The following PLA2G4E variants were observed in gnomAD, a reference collection of about 807,000 sequenced individuals.
PLA2G4E encodes the protein phospholipase A2 group IVE.
PLA2G4E carries 84 observed loss-of-function variants against 109.1 expected under a neutral mutation model. The ratio of observed to expected loss-of-function variants is 0.77; its 90% CI spans 0.65 to 0.92. PLA2G4E has a LOEUF of 0.92. Among genes scored for constraint, PLA2G4E ranks in the 40% least tolerant of loss-of-function variants. PLA2G4E has a pLI of 0.00. For missense variants in PLA2G4E, 1,057 were observed against 1,076.6 expected (o/e 0.98, Z 0.25); for synonymous variants, 469 against 436.1 (o/e 1.08, Z -0.94).
At chr15:41,994,093 C>T (rs563301435) in intron 12 of PLA2G4E, among the ~76,000 whole-genome samples, 10 of 152,272 alleles carry the variant, frequency 6.6e-5, no homozygotes, top group South Asian at 4.1e-4. Context: ...GATGTGGGCC[C>T]GGGACTAGGT....
exon 20 of PLA2G4E, chr15:41,981,874 T>C (rs956490821): frequency 6.6e-6 from 1 of 152,196 alleles, no homozygotes; most frequent in Non-Finnish European, 1.5e-5. Flanking sequence ...AGTTTATCAG[T>C]GGCTCAAGGG....
intron 1 of PLA2G4E, among the ~76,000 whole-genome samples, chr15:42,034,624 A>C (rs566808384): frequency 8.5e-5 from 13 of 152,238 alleles, no homozygotes; most frequent in African/African-American, 3.1e-4. Flanking sequence ...GAACAATTAA[A>C]TCTCCTCCTC....
chr15:42,023,296 A>G (rs1288174336), intron 1 of PLA2G4E, among the ~76,000 whole-genome samples: 1 of 151,690 alleles, frequency 6.6e-6, no homozygotes, highest in Non-Finnish European at 1.5e-5. Flanking sequence ...CTGGCCCTGC[A>G]TTTGGACCCA....
At chr15:42,002,584 G>T in intron 6 of PLA2G4E, 70 bp downstream of exon 6, 2 of 1,466,178 alleles carry the variant, frequency 1.4e-6, no homozygotes, top group Non-Finnish European at 1.9e-6. Flanking sequence ...TTTCTCCCTT[G>T]GTCCTGTTCC....
intron 1 of PLA2G4E, among the ~76,000 whole-genome samples, chr15:42,037,263 G>A (rs1889234050): frequency 6.6e-6 from 1 of 152,230 alleles, no homozygotes; most frequent in Admixed American, 6.5e-5. Context: ...AGATCAGAAT[G>A]GGAACTTGTG....
At chr15:41,993,723 C>T (rs763177349) in intron 12 of PLA2G4E, among the ~76,000 whole-genome samples, 18 of 152,198 alleles carry the variant, frequency 1.2e-4, no homozygotes, top group Middle Eastern at 3.4e-3. Flanking sequence ...AGCTAGTCTG[C>T]GGCTGCACAT....
At chr15:41,985,243 G>A (rs1238773783) in intron 18 of PLA2G4E, among the ~76,000 whole-genome samples, 1 of 152,184 alleles carries the variant, frequency 6.6e-6, no homozygotes, top group Non-Finnish European at 1.5e-5. Flanking sequence ...AAAGTGCATT[G>A]TTACCCATTT....
intron 13 of PLA2G4E, among the ~76,000 whole-genome samples, chr15:41,990,704 T>G (rs1275336750): frequency 6.8e-6 from 1 of 146,808 alleles, no homozygotes. Context: ...CTTCCTCCGC[T>G]CCCCTGCCCT....
At chr15:41,995,932 A>G (rs2068332165) in intron 11 of PLA2G4E, among the ~76,000 whole-genome samples, 2 of 152,228 alleles carry the variant, frequency 1.3e-5, no homozygotes, top group Non-Finnish European at 2.9e-5. Context: ...GGCCTGGCAC[A>G]TGGTGCCTGC....
intron 1 of PLA2G4E, among the ~76,000 whole-genome samples, chr15:42,014,339 T>G (rs903306722): frequency 6.6e-6 from 1 of 152,210 alleles, no homozygotes; most frequent in Non-Finnish European, 1.5e-5. Context: ...TAGAAGGTGC[T>G]AATACATGTT....
At chr15:42,037,806 T>A (rs750566598) in intron 1 of PLA2G4E, among the ~76,000 whole-genome samples, 10 of 152,336 alleles carry the variant, frequency 6.6e-5, no homozygotes, top group Non-Finnish European at 1.3e-4. Context: ...TGGAGCCAGC[T>A]GTGGAAGCTG....
At chr15:42,000,259 T>C (rs951559167) in exon 8 of PLA2G4E, 9 of 1,573,434 alleles carry the variant, frequency 5.7e-6, no homozygotes, top group Admixed American at 1.9e-5. Context: ...AAGGATTCGT[T>C]CACCATCACC....
rs879835543 is a variant in PLA2G4E at position 42,028,387 on chromosome 15, A to ATTTC, written c.184-14631_184-14630insGAAA. On this transcript the variant is annotated intron_variant, in intron 1 of 19. Coordinates refer to ENST00000399518, the Ensembl canonical transcript of PLA2G4E. Reference sequence around the variant, plus strand: ...TTTTATTTTATTTATTTATTTACTTATTTATTTATTTATTTATTTATTTAT... The same window carrying ATTTC: ...TTTTATTTTATTTATTTATTTACTTATTTCTTTATTTATTTATTTATTTATTTAT... Among the ~76,000 whole-genome samples, 160 of 133,168 alleles carry ATTTC rather than the reference A, an allele frequency of 1.2e-3. 1 individual carries two copies. In the South Asian group the frequency reaches 0.021, roughly 18 times the overall value. 87.4% of individuals were successfully genotyped at this position (133,168 alleles called of 152,430 possible). A position where few individuals can be genotyped will look rare whatever the true frequency, so the allele number is the denominator to read the frequency against.
chr15:41,994,382 G>T (rs967669595), intron 12 of PLA2G4E, among the ~76,000 whole-genome samples: 11 of 152,212 alleles, frequency 7.2e-5, no homozygotes, highest in Non-Finnish European at 1.3e-4. Flanking sequence ...GCTACCCAGA[G>T]CTCCTCCAGT....
intron 1 of PLA2G4E, among the ~76,000 whole-genome samples, chr15:42,023,156 G>T (rs905775660): frequency 6.6e-6 from 1 of 151,938 alleles, no homozygotes; most frequent in Middle Eastern, 3.4e-3. Context: ...GAACACAGGG[G>T]TGGTAGAAAT....
At chr15:42,000,445 G>C (rs1332909427) in intron 7 of PLA2G4E, among the ~76,000 whole-genome samples, 163 bp from the exon 8 acceptor site, 1 of 152,192 alleles carries the variant, frequency 6.6e-6, no homozygotes, top group Non-Finnish European at 1.5e-5. Context: ...GGTAGGGCAG[G>C]GCCCAGGAAC....
intron 11 of PLA2G4E, among the ~76,000 whole-genome samples, chr15:41,996,029 G>A (rs940513526): frequency 2.0e-5 from 3 of 152,136 alleles, no homozygotes; most frequent in Admixed American, 2.0e-4. Flanking sequence ...GTCAGCAGAG[G>A]TTTAAGAGGC....
chr15:42,039,321 A>G (rs1033395643), intron 1 of PLA2G4E, among the ~76,000 whole-genome samples: 1 of 152,234 alleles, frequency 6.6e-6, no homozygotes, highest in Non-Finnish European at 1.5e-5. Context: ...AATATGCTCA[A>G]TATTGGTAGA....
chr15:42,002,743 T>C (rs1226277164), intron 5 of PLA2G4E, 47 bp from the exon 6 acceptor site: 2 of 1,495,296 alleles, frequency 1.3e-6, no homozygotes, highest in Admixed American at 1.9e-5. Flanking sequence ...CATTCTTGAC[T>C]GGTTTCTTCT....
Sources: gnomAD v4.1 joint callset for allele counts (sites outside exome capture counted in the v4.1 genomes callset) on GRCh38, gnomAD v4.1.1 for gene constraint, MANE v1.5 for transcripts, NCBI Gene and HGNC (gene_info 2026-07-23, HGNC 2026-07-21) for gene names.